Variants in TBC1D30 observed in about 807,000 individuals in gnomAD.
The protein encoded by TBC1D30 is TBC1 domain family member 30, also known as TBC1 domain family, member 30.
In TBC1D30, 31 loss-of-function variants were observed where a neutral mutation model predicts 63.2. The observed-to-expected ratio is 0.49, with a 90% CI of 0.37 to 0.66. TBC1D30 has a LOEUF of 0.66. TBC1D30 is among the 30% of genes least tolerant of loss of function. TBC1D30 has a pLI of 0.00. For synonymous variants in TBC1D30, 307 were observed against 361.5 expected (o/e 0.85, Z 1.71); for missense variants, 810 against 953.6 (o/e 0.85, Z 1.98).
chr12:64,835,465 A>G (rs966417476), intron 5 of TBC1D30, among the ~76,000 whole-genome samples: 17 of 152,184 alleles, frequency 1.1e-4, no homozygotes, highest in African/African-American at 3.4e-4. Context: ...TTCCATCGAC[A>G]TAGAGCCCAT....
chr12:64,863,569 C>A (rs1877970984), intron 8 of TBC1D30, among the ~76,000 whole-genome samples: 1 of 152,198 alleles, frequency 6.6e-6, no homozygotes, highest in Non-Finnish European at 1.5e-5. Flanking sequence ...GAATTTTAGC[C>A]AACACCTACT....
intron 1 of TBC1D30, among the ~76,000 whole-genome samples, chr12:64,771,648 C>T (rs1253134310): frequency 6.6e-6 from 1 of 152,122 alleles, no homozygotes; most frequent in Non-Finnish European, 1.5e-5. Context: ...AAAGCCCCAA[C>T]TTGGTTTATA....
intron 2 of TBC1D30, 22 bp downstream of exon 2, chr12:64,827,918 C>G (rs772315997): frequency 9.8e-5 from 148 of 1,517,574 alleles, no homozygotes; most frequent in Non-Finnish European, 1.3e-4. Flanking sequence ...TTTGAAAACA[C>G]TCTTCTTTTG....
At position 64,876,895 on chromosome 12, in the gene TBC1D30, C is replaced by T. The variant is rs1225418840; in HGVS notation, c.*1107C>T. ...TGTCTCCACTATGCAGATGGGAACT[C>T]TGAGCCACACAGAGGTGAAGTAGCA... On this transcript the variant is annotated 3_prime_UTR_variant, in exon 12 of 12. Coordinates refer to ENST00000539867, the MANE Select transcript of TBC1D30 (RefSeq NM_015279.2). The T allele has an allele frequency of 2.2e-6, 1 of 456,056 alleles. No homozygotes were observed. 28.3% of individuals were successfully genotyped at this position (456,056 alleles called of 1,614,324 possible).
At position 64,859,746 on chromosome 12, in the gene TBC1D30, C is replaced by T. The variant is rs1314840041; in HGVS notation, c.1039-4922C>T. Among the ~76,000 whole-genome samples, 6 of 151,518 alleles carry T rather than the reference C, an allele frequency of 4.0e-5. No homozygotes were observed. The South Asian group carries it at 6.2e-4, about 16-fold the overall frequency. The stretch of plus-strand genomic sequence containing the variant: ...TTGCTTTGGAGGTGTACTTGGACTG[C>T]CCCATTCCTGACCTATCCAAGGTGT... On this transcript the variant is annotated intron_variant, in intron 8 of 11. Transcript: ENST00000539867.
At chr12:64,825,153 G>A in intron 1 of TBC1D30, 120 bp downstream of exon 1, 1 of 1,359,962 alleles carries the variant, frequency 7.4e-7, no homozygotes, top group Non-Finnish European at 9.7e-7. Flanking sequence ...CGTGCCACCT[G>A]GTGCGGGGCA....
intron 8 of TBC1D30, among the ~76,000 whole-genome samples, chr12:64,864,231 T>A (rs1275515242): frequency 2.0e-5 from 3 of 152,226 alleles, no homozygotes; most frequent in Non-Finnish European, 4.4e-5. Context: ...CCACTAGATT[T>A]AATTTTATCC....
In TBC1D30 at chr12:64,864,735, A is replaced by G. The variant is rs1878075493; in HGVS notation, c.1106A>G (p.Asn369Ser). Residue 369 changes from asparagine to serine, a missense_variant, in exon 9 of 12, where the codon AAC (asparagine) becomes AGC (serine). Asn to Ser is a conservative substitution (Grantham distance 46). This residue lies in a region of TBC1D30 where 83 missense variants were observed against 121.5 expected (regional missense o/e 0.68). Transcript: ENST00000539867. ...LAELREKYTY[N>S]ITPFPATVKP... ...GAGTTGAGGGAAAAATACACCTACA[A>G]CATTACACCGTTCCCAGCCACAGTT... is the stretch of plus-strand genomic sequence containing the variant. 3 of 1,536,114 alleles carry G rather than the reference A, an allele frequency of 2.0e-6. No individual in the cohort carries two copies. Among genetic ancestry groups the G allele is most frequent in the Non-Finnish European group, 2.6e-6 (3 of 1,146,902 alleles).
chr12:64,873,262 G>C (rs1235060472), intron 11 of TBC1D30, among the ~76,000 whole-genome samples: 2 of 152,112 alleles, frequency 1.3e-5, no homozygotes, highest in African/African-American at 4.8e-5. Flanking sequence ...AAAGTTGTTT[G>C]GTGGGGATTG....
At position 64,878,200 on chromosome 12, in the gene TBC1D30, C is replaced by T; in HGVS notation, c.*2412C>T. 3.8e-6 allele frequency: 1 copy of T among 266,108 alleles called. No individual in the cohort carries two copies. The highest frequency in any genetic ancestry group is 7.6e-6 in the Non-Finnish European group (1 of 131,788). The allele number at this position is 266,108 out of a possible 1,614,324, so 16.5% of individuals were successfully genotyped here. ...ATTCCTATTAAAGCACTCTGTGTAC[C>T]AATAACATGCATGCATTGTACCAAG... On this transcript the variant is annotated 3_prime_UTR_variant, in exon 12 of 12. Transcript: ENST00000539867.
chr12:64,784,659 C>G (rs993521130), intron 1 of TBC1D30, among the ~76,000 whole-genome samples: 7 of 151,246 alleles, frequency 4.6e-5, no homozygotes, highest in Non-Finnish European at 7.4e-5. Context: ...TATATAAAGA[C>G]AGTAGACAAT....
In TBC1D30 at chr12:64,877,583, A is replaced by G. The variant is rs573158126; in HGVS notation, c.*1795A>G. On this transcript the variant is annotated 3_prime_UTR_variant, in exon 12 of 12. Coordinates refer to ENST00000539867, the MANE Select transcript of TBC1D30 (RefSeq NM_015279.2). ...CAGTTTTGGTCTTGAATTCTGTGCC[A>G]TCTGAAGTTAGCATCCAGCTTCTTA... 2.0e-5 allele frequency: 3 copies of G among 152,204 alleles called. No individual in the cohort carries two copies. Among genetic ancestry groups the G allele is most frequent in the Non-Finnish European group, 4.4e-5 (3 of 68,040 alleles). 9.4% of individuals were successfully genotyped at this position (152,204 alleles called of 1,614,324 possible).
upstream of TBC1D30, among the ~76,000 whole-genome samples, chr12:64,777,153 A>T (rs140998384): frequency 8.0e-3 from 1,217 of 152,324 alleles, 7 homozygotes; most frequent in Non-Finnish European, 0.01. Flanking sequence ...CTAATATCCT[A>T]CTGAAAGGGC....
chr12:64,840,568 C>G (rs755877061), intron 7 of TBC1D30, among the ~76,000 whole-genome samples: 91 of 152,208 alleles, frequency 6.0e-4, no homozygotes, highest in Non-Finnish European at 1.2e-3. Flanking sequence ...AATTACTCTG[C>G]ATGGATAAAC....
chr12:64,765,928 C>G (rs1473562555), intron 1 of TBC1D30, among the ~76,000 whole-genome samples: 1 of 152,098 alleles, frequency 6.6e-6, no homozygotes, highest in East Asian at 1.9e-4. Context: ...GGGAGGATCA[C>G]TTGAGCCGGG....
chr12:64,823,996 TC>T (rs374784625), upstream of TBC1D30, among the ~76,000 whole-genome samples: 2,908 of 148,680 alleles, frequency 0.02, 83 homozygotes, highest in African/African-American at 0.06. Flanking sequence ...TATCTTTATA[TC>T]CCCCCCCCAC....
intron 8 of TBC1D30, among the ~76,000 whole-genome samples, chr12:64,859,127 G>A (rs1343502885): frequency 1.3e-5 from 2 of 151,842 alleles, no homozygotes; most frequent in African/African-American, 4.8e-5. Flanking sequence ...ATGCGAGGGT[G>A]TTGTGTGTGC....
At chr12:64,796,133 A>G (rs991962666) in intron 2 of TBC1D30, among the ~76,000 whole-genome samples, 3 of 151,768 alleles carry the variant, frequency 2.0e-5, no homozygotes, top group Non-Finnish European at 4.4e-5. Context: ...TTAGCATCTT[A>G]AAGTTAAGAG....
intron 9 of TBC1D30, among the ~76,000 whole-genome samples, chr12:64,865,462 A>T (rs959238156): frequency 6.6e-6 from 1 of 152,004 alleles, no homozygotes. Flanking sequence ...AAACCTCTAT[A>T]AGTAGACTCA....
Sources: allele counts gnomAD v4.1 joint callset (sites outside exome capture counted in the v4.1 genomes callset), GRCh38; gene constraint gnomAD v4.1.1; regional missense constraint gnomAD v4.1.1; transcripts MANE v1.5; gene names NCBI Gene and HGNC (gene_info 2026-07-23, HGNC 2026-07-21).